Variants in RIOK1 observed in about 807,000 individuals in gnomAD.
The protein encoded by RIOK1 is serine/threonine-protein kinase RIO1.
A neutral mutation model predicts 73.5 loss-of-function variants in RIOK1; 66 were observed. That is an observed-to-expected ratio of 0.90 (90% CI 0.74 to 1.10). The LOEUF is 1.10. Ranked by LOEUF, RIOK1 falls within the 50% of genes least tolerant of loss-of-function variation. RIOK1 has a pLI of 0.00. For synonymous variants in RIOK1, 224 were observed against 226.8 expected, an observed-to-expected ratio of 0.99 and a Z score of 0.11; for missense variants, 658 against 699.8, an observed-to-expected ratio of 0.94 and a Z score of 0.67.
chr6:7,405,831 C>G (rs1471695810), intron 12 of RIOK1, among the ~76,000 whole-genome samples: 3 of 131,504 alleles, frequency 2.3e-5, no homozygotes, highest in African/African-American at 8.4e-5. Flanking sequence ...AACTTGATAT[C>G]CAAGCTTTTT....
intron 2 of RIOK1, 97 bp from the exon 3 acceptor site, chr6:7,394,956 G>T (rs757823265): frequency 1.0e-5 from 16 of 1,540,446 alleles, no homozygotes; most frequent in Non-Finnish European, 1.4e-5. Context: ...TCTAAGTATT[G>T]ATGCTTTAAT....
intron 12 of RIOK1, among the ~76,000 whole-genome samples, chr6:7,408,834 G>C (rs1245354673): frequency 1.3e-5 from 2 of 150,598 alleles, no homozygotes; most frequent in Non-Finnish European, 2.9e-5. Context: ...CGATTCTCCT[G>C]CCTCAGCCTC....
At chr6:7,400,092 C>T (rs1267234562) in intron 5 of RIOK1, among the ~76,000 whole-genome samples, 18 of 152,194 alleles carry the variant, frequency 1.2e-4, no homozygotes, top group Non-Finnish European at 1.5e-5. Flanking sequence ...CCTTTAAATT[C>T]ACTGCCTTCT....
chr6:7,398,507 T>C (rs1761534923), intron 4 of RIOK1, among the ~76,000 whole-genome samples, 191 bp from the exon 5 acceptor site: 1 of 152,226 alleles, frequency 6.6e-6, no homozygotes, highest in Admixed American at 6.5e-5. Flanking sequence ...AAATACAGAA[T>C]TGAATTTTGG....
In RIOK1 at chr6:7,403,586, A is replaced by G. The variant is rs927917661; in HGVS notation, c.768-355A>G. On this transcript the variant is annotated intron_variant, in intron 8 of 16. Coordinates refer to ENST00000379834, the MANE Select transcript of RIOK1 (RefSeq NM_031480.3). ...CAACAAGCTATTAGGTGTGAGTCCA[A>G]CTATTTTTATTAAGCATTTTTCAGG... Among the ~76,000 whole-genome samples, 3 of 152,362 alleles carry G rather than the reference A, an allele frequency of 2.0e-5. No homozygotes were observed. In the South Asian group the frequency reaches 6.2e-4, roughly 32 times the overall value.
At chr6:7,410,583 A>C in intron 13 of RIOK1, 132 bp downstream of exon 13, 1 of 626,738 alleles carries the variant, frequency 1.6e-6, no homozygotes, top group Non-Finnish European at 2.8e-6. Flanking sequence ...TATTTCCTTA[A>C]GATATATTAT....
chr6:7,411,273 T>C, intron 13 of RIOK1, 59 bp from the exon 14 acceptor site: 1 of 1,580,506 alleles, frequency 6.3e-7, no homozygotes, highest in Non-Finnish European at 8.7e-7. Context: ...AGGAGTATGC[T>C]GTGTGAATGT....
chr6:7,417,720 T>C lies in RIOK1; in HGVS notation c.*279T>C, dbSNP rs1318153763. On this transcript the variant is annotated 3_prime_UTR_variant, in exon 17 of 17. Coordinates refer to ENST00000379834, the MANE Select transcript of RIOK1 (RefSeq NM_031480.3). ...ATTTTTATTTTTATATTTTTTTCTCTTACAAATATGTTTTTGGAAGCATGA... is the reference window on the plus strand; with the variant it reads ...ATTTTTATTTTTATATTTTTTTCTCCTACAAATATGTTTTTGGAAGCATGA... The C allele has an allele frequency of 5.0e-6, 1 of 199,430 alleles. No individual in the cohort carries two copies. The highest frequency in any genetic ancestry group is 1.1e-5 in the Non-Finnish European group (1 of 94,598). 12.4% of individuals were successfully genotyped at this position (199,430 alleles called of 1,614,324 possible).
chr6:7,408,012 G>A (rs1761791159), intron 12 of RIOK1, among the ~76,000 whole-genome samples: 1 of 152,036 alleles, frequency 6.6e-6, no homozygotes, highest in African/African-American at 2.4e-5. Context: ...TTGAACACAT[G>A]GCATGTATGC....
chr6:7,414,141 G>A, intron 15 of RIOK1, 97 bp from the exon 16 acceptor site: 1 of 1,100,728 alleles, frequency 9.1e-7, no homozygotes, highest in Middle Eastern at 3.0e-4. Context: ...ATATTTGCGA[G>A]CCTAAAATCT....
At chr6:7,396,528 G>C (rs1052392966) in intron 3 of RIOK1, among the ~76,000 whole-genome samples, 175 bp from the exon 4 acceptor site, 1 of 152,164 alleles carries the variant, frequency 6.6e-6, no homozygotes, top group South Asian at 2.1e-4. Flanking sequence ...ACGCAGTTTA[G>C]TGCCTACTTT....
chr6:7,393,988 A>G (rs755545948), intron 2 of RIOK1, among the ~76,000 whole-genome samples: 1 of 152,210 alleles, frequency 6.6e-6, no homozygotes, highest in Non-Finnish European at 1.5e-5. Context: ...GTGATTATTT[A>G]CCATGTACAA....
intron 12 of RIOK1, among the ~76,000 whole-genome samples, chr6:7,405,791 CTT>C (rs1195811408): frequency 1.7e-5 from 2 of 120,060 alleles, no homozygotes; most frequent in African/African-American, 2.8e-5. Flanking sequence ...TTTTTTTTTC[CTT>C]TTTTTTTTTT....
At chr6:7,400,894 G>T in intron 5 of RIOK1, 64 bp from the exon 6 acceptor site, 1 of 932,838 alleles carries the variant, frequency 1.1e-6, no homozygotes. Flanking sequence ...GATTGTCACA[G>T]GTTTTAATGA....
chr6:7,407,261 A>C (rs1173393176), intron 12 of RIOK1, among the ~76,000 whole-genome samples: 1 of 152,206 alleles, frequency 6.6e-6, no homozygotes, highest in Non-Finnish European at 1.5e-5. Flanking sequence ...CCAACAATGC[A>C]CAAGGGTTTT....
At chr6:7,411,983 G>A (rs995709210) in intron 14 of RIOK1, among the ~76,000 whole-genome samples, 1 of 152,226 alleles carries the variant, frequency 6.6e-6, no homozygotes, top group Non-Finnish European at 1.5e-5. Flanking sequence ...ATTATTTGAT[G>A]TGGGGCAGAT....
chr6:7,402,597 A>G lies in RIOK1; in HGVS notation c.574-6A>G. 2.6e-6 allele frequency: 4 copies of G among 1,567,426 alleles called. No homozygotes were observed. Among genetic ancestry groups the G allele is most frequent in the Non-Finnish European group, 2.6e-6 (3 of 1,162,952 alleles). Reference sequence around the variant, plus strand: ...TTCATTTTCTTTTTTTTTTGACTTAATATAGGCTAATGTATACCATGCTAG... The same window carrying G: ...TTCATTTTCTTTTTTTTTTGACTTAGTATAGGCTAATGTATACCATGCTAG... On this transcript the variant is annotated splice_region_variant and splice_polypyrimidine_tract_variant and intron_variant, in intron 6 of 16. Coordinates refer to ENST00000379834, the MANE Select transcript of RIOK1 (RefSeq NM_031480.3).
intron 16 of RIOK1, 90 bp from the exon 17 acceptor site, chr6:7,417,241 C>T: frequency 1.3e-6 from 1 of 749,516 alleles, no homozygotes. Context: ...CAGAGCAAGA[C>T]CCTGTCTAAA....
chr6:7,398,226 C>A (rs768450775), intron 4 of RIOK1, among the ~76,000 whole-genome samples: 14 of 152,022 alleles, frequency 9.2e-5, no homozygotes, highest in Non-Finnish European at 1.9e-4. Flanking sequence ...AAATGACTAA[C>A]TCTATGTGGA....
Sources: allele counts gnomAD v4.1 joint callset (sites outside exome capture counted in the v4.1 genomes callset), GRCh38; gene constraint gnomAD v4.1.1; transcripts MANE v1.5; gene names NCBI Gene and HGNC (gene_info 2026-07-23, HGNC 2026-07-21).